Variants in CNTNAP2 observed in about 807,000 individuals in gnomAD.
CNTNAP2 encodes the protein contactin associated protein 2, also known as contactin-associated protein-like 2.
CNTNAP2 carries 98 observed loss-of-function variants against 155.2 expected under a neutral mutation model. The ratio of observed to expected loss-of-function variants is 0.63; its 90% CI spans 0.54 to 0.75. The LOEUF is 0.75. Among genes scored for constraint, CNTNAP2 ranks in the 30% least tolerant of loss-of-function variants. The pLI, the probability that CNTNAP2 is intolerant of heterozygous loss-of-function variation, is 0.00. For synonymous variants in CNTNAP2, 651 were observed against 631.2 expected, an observed-to-expected ratio of 1.03 and a Z score of -0.47; for missense variants, 1,727 against 1,688.1, an observed-to-expected ratio of 1.02 and a Z score of -0.40.
chr7:146,324,595 G>A (rs900138655), intron 1 of CNTNAP2, among the ~76,000 whole-genome samples: 2 of 152,064 alleles, frequency 1.3e-5, no homozygotes, highest in Admixed American at 1.3e-4. Flanking sequence ...TTCAGTCAGG[G>A]TTCTTTGATT....
chr7:148,226,096 A>G (rs1795843556), intron 19 of CNTNAP2, among the ~76,000 whole-genome samples: 1 of 152,224 alleles, frequency 6.6e-6, no homozygotes, highest in South Asian at 2.1e-4. Flanking sequence ...AACTACTCCT[A>G]GAATTTATTC....
intron 15 of CNTNAP2, among the ~76,000 whole-genome samples, chr7:148,076,836 G>C (rs1803496592): frequency 1.3e-5 from 2 of 152,078 alleles, no homozygotes. Context: ...CCTACCAAAT[G>C]TTAGTAAATG....
intron 22 of CNTNAP2, among the ~76,000 whole-genome samples, chr7:148,399,156 G>C (rs748382307): frequency 7.2e-5 from 11 of 152,166 alleles, no homozygotes; most frequent in Non-Finnish European, 1.3e-4. Context: ...CACCGAGGCT[G>C]TCTGACATAC....
chr7:148,130,624 C>CT (rs1804811681), intron 16 of CNTNAP2, among the ~76,000 whole-genome samples: 1 of 152,174 alleles, frequency 6.6e-6, no homozygotes, highest in Non-Finnish European at 1.5e-5. Flanking sequence ...ACTTAATTTT[C>CT]AAGTTTTTTT....
At chr7:147,722,249 T>C (rs552695851) in intron 13 of CNTNAP2, among the ~76,000 whole-genome samples, 55 of 152,316 alleles carry the variant, frequency 3.6e-4, no homozygotes, top group Non-Finnish European at 6.8e-4. Flanking sequence ...TTCCAGTTTC[T>C]GAGATCACAA....
chr7:148,201,107 A>C (rs1350873705), intron 18 of CNTNAP2, among the ~76,000 whole-genome samples: 3 of 152,226 alleles, frequency 2.0e-5, no homozygotes, highest in African/African-American at 7.2e-5. Flanking sequence ...GATTAGAAAC[A>C]AACTCTCAGC....
chr7:148,077,529 C>T (rs1214191461), intron 15 of CNTNAP2, among the ~76,000 whole-genome samples: 1 of 152,162 alleles, frequency 6.6e-6, no homozygotes, highest in Non-Finnish European at 1.5e-5. Context: ...GAGCTCTTCC[C>T]ATTTCAAGAA....
At chr7:147,894,957 CTTTCTTTCTTT>C (rs1304081280) in intron 13 of CNTNAP2, among the ~76,000 whole-genome samples, 13 of 62,846 alleles carry the variant, frequency 2.1e-4, no homozygotes, top group African/African-American at 6.2e-4. Context: ...TTCTTTCTTT[CTTTCTTTCTTT>C]TTTTTTTTTT....
At chr7:147,313,119 T>C (rs1437765579) in intron 9 of CNTNAP2, among the ~76,000 whole-genome samples, 1 of 142,628 alleles carries the variant, frequency 7.0e-6, no homozygotes, top group African/African-American at 2.7e-5. Context: ...GTTTGTTTTT[T>C]TCTTGTAAAT....
intron 2 of CNTNAP2, among the ~76,000 whole-genome samples, chr7:146,837,014 A>C (rs1803631054): frequency 6.6e-6 from 1 of 152,140 alleles, no homozygotes; most frequent in Non-Finnish European, 1.5e-5. Context: ...TCTCTTTAGC[A>C]TCGTCTTTCA....
chr7:147,727,787 T>C (rs1796669036), intron 13 of CNTNAP2, among the ~76,000 whole-genome samples: 1 of 151,622 alleles, frequency 6.6e-6, no homozygotes, highest in Non-Finnish European at 1.5e-5. Context: ...ACTGGAGTTT[T>C]CTTCCCCTAC....
chr7:147,090,352 T>A (rs539838035), intron 4 of CNTNAP2, among the ~76,000 whole-genome samples: 21 of 144,594 alleles, frequency 1.5e-4, no homozygotes, highest in African/African-American at 3.8e-4. Flanking sequence ...TGTGTGTGTG[T>A]TACAATTCTC....
intron 12 of CNTNAP2, 138 bp from the exon 13 acceptor site, chr7:147,638,968 T>C (rs1795230201): frequency 1.2e-6 from 1 of 869,362 alleles, no homozygotes. Flanking sequence ...CAGGGGGTTT[T>C]AAGGATTGCT....
intron 1 of CNTNAP2, among the ~76,000 whole-genome samples, chr7:146,462,600 T>C (rs1290699974): frequency 3.3e-5 from 5 of 152,204 alleles, no homozygotes; most frequent in African/African-American, 9.6e-5. Flanking sequence ...GTACGTTTTG[T>C]TTTCAGAATA....
intron 8 of CNTNAP2, among the ~76,000 whole-genome samples, chr7:147,293,234 A>G (rs1309049429): frequency 6.6e-6 from 1 of 152,160 alleles, no homozygotes; most frequent in African/African-American, 2.4e-5. Context: ...CAGTTTCTTT[A>G]TCATAAAAAA....
rs1800658258 is a variant in CNTNAP2 at position 147,587,743 on chromosome 7, A to G, written c.1897+25486A>G. On this transcript the variant is annotated intron_variant, in intron 12 of 23. Coordinates refer to ENST00000361727, the MANE Select transcript of CNTNAP2 (RefSeq NM_014141.6). ...AAAGGCAAATAAGACGCATAGTGGTATTTTACTTGGAACCTTATGAGAGAG... is the reference window on the plus strand; with the variant it reads ...AAAGGCAAATAAGACGCATAGTGGTGTTTTACTTGGAACCTTATGAGAGAG... Among the ~76,000 whole-genome samples, 4 of 152,146 alleles carry G rather than the reference A, an allele frequency of 2.6e-5. No individual in the cohort carries two copies. The South Asian group carries it at 8.3e-4, about 32-fold the overall frequency.
intron 2 of CNTNAP2, among the ~76,000 whole-genome samples, chr7:146,798,621 A>G (rs996269787): frequency 1.3e-5 from 2 of 152,164 alleles, no homozygotes; most frequent in Admixed American, 1.3e-4. Flanking sequence ...TTGTGATTCC[A>G]GGCATGAGCC....
chr7:146,936,382 G>A (rs1796914495), intron 3 of CNTNAP2, among the ~76,000 whole-genome samples: 1 of 152,118 alleles, frequency 6.6e-6, no homozygotes. Flanking sequence ...GTATAAGGAG[G>A]TACCATCTAC....
intron 15 of CNTNAP2, among the ~76,000 whole-genome samples, chr7:148,028,819 A>G (rs1299986484): frequency 1.3e-5 from 2 of 151,934 alleles, no homozygotes; most frequent in Non-Finnish European, 2.9e-5. Context: ...TGGAAACAAC[A>G]CCATCTCCCC....
Sources: gnomAD v4.1 joint callset for allele counts (sites outside exome capture counted in the v4.1 genomes callset) on GRCh38, gnomAD v4.1.1 for gene constraint, MANE v1.5 for transcripts, NCBI Gene and HGNC (gene_info 2026-07-23, HGNC 2026-07-21) for gene names.